Variants in DEPDC4 observed in about 807,000 individuals in gnomAD.
The protein encoded by DEPDC4 is DEP domain-containing protein 4.
Under a neutral mutation model 52.0 loss-of-function variants are expected in DEPDC4, and 52 were observed. The ratio of observed to expected loss-of-function variants is 1.00; its 90% CI spans 0.80 to 1.26. The LOEUF (loss-of-function observed/expected upper bound fraction) is 1.26. DEPDC4 is among the 50% of genes most tolerant of loss of function. The pLI is 0.00. For missense variants in DEPDC4, 530 were observed against 546.9 expected (o/e 0.97, Z 0.31); for synonymous variants, 201 against 196.8 (o/e 1.02, Z -0.18).
At chr12:100,249,469 C>A (rs947717843) in intron 7 of DEPDC4, among the ~76,000 whole-genome samples, 1 of 152,114 alleles carries the variant, frequency 6.6e-6, no homozygotes, top group East Asian at 1.9e-4. Flanking sequence ...GGCAACACAG[C>A]GAGATCCCAT....
upstream of DEPDC4, among the ~76,000 whole-genome samples, chr12:100,270,742 T>G (rs557694186): frequency 6.2e-4 from 94 of 152,108 alleles, no homozygotes; most frequent in African/African-American, 2.0e-3. Flanking sequence ...CCCAAAGTGC[T>G]AGGATTACAG....
intron 9 of DEPDC4, among the ~76,000 whole-genome samples, chr12:100,232,234 A>T (rs977365971): frequency 5.9e-5 from 9 of 151,656 alleles, no homozygotes; most frequent in Non-Finnish European, 1.3e-4. Flanking sequence ...TCTACTAAAA[A>T]ACAATGCAAA....
At chr12:100,252,839 TAAAAGGTCATC>T (rs199780558) in intron 5 of DEPDC4, among the ~76,000 whole-genome samples, 9,589 of 152,338 alleles carry the variant, frequency 0.063, 327 homozygotes, top group Middle Eastern at 0.14. Flanking sequence ...TTCATTTTGC[TAAAAGGTCATC>T]AAATTAATAA....
chr12:100,248,212 G>A (rs2096193788), intron 8 of DEPDC4, among the ~76,000 whole-genome samples: 1 of 151,848 alleles, frequency 6.6e-6, no homozygotes, highest in Non-Finnish European at 1.5e-5. Flanking sequence ...CCTATTAATA[G>A]CATAAATATT....
Position 100,262,344 on chromosome 12 carries a change from A to C in DEPDC4, c.620T>G (p.Leu207Arg). The C allele has an allele frequency of 6.2e-7, 1 of 1,613,514 alleles. No individual in the cohort carries two copies. The highest frequency in any genetic ancestry group is 8.5e-7 in the Non-Finnish European group (1 of 1,179,728). The change falls in exon 3 of 10, where the codon CTT (leucine) becomes CGT (arginine). Residue 207 changes from leucine to arginine, a missense_variant. Coordinates refer to ENST00000550587, the MANE Select transcript of DEPDC4 (RefSeq NM_001364818.2). ...TGGATTCCCATTTATTGTATGAATA[A>C]GTTCCTCAATTCTTTCCTCACCAAT... ...QEIGEERIEE[L>R]IHTINGNPAL...
At position 100,251,564 on chromosome 12, in the gene DEPDC4, C is replaced by A. The variant is rs118006701; in HGVS notation, c.1374+612G>T. On this transcript the variant is annotated intron_variant, in intron 7 of 9. Transcript: ENST00000550587. Reference sequence around the variant, plus strand: ...CTGGGACCACAGGTGTGTGCCACCACCCCTGGCATTTTTTTTTTTTTGAGG... The same window carrying A: ...CTGGGACCACAGGTGTGTGCCACCAACCCTGGCATTTTTTTTTTTTTGAGG... Among the ~76,000 whole-genome samples the A allele has an allele frequency of 2.3e-3, 343 of 151,720 alleles. 6 individuals carry two copies. The East Asian group carries it at 0.04, about 18-fold the overall frequency.
intron 4 of DEPDC4, among the ~76,000 whole-genome samples, chr12:100,255,261 C>A (rs761305368): frequency 3.3e-4 from 50 of 152,334 alleles, no homozygotes; most frequent in Non-Finnish European, 6.2e-4. Flanking sequence ...CCTATACTAT[C>A]CCTGACTCAA....
chr12:100,239,601 C>G (rs148058649), downstream of DEPDC4, among the ~76,000 whole-genome samples: 6 of 151,904 alleles, frequency 3.9e-5, no homozygotes, highest in African/African-American at 1.5e-4. Flanking sequence ...CCCAGGCTGG[C>G]CTTGAACTCC....
chr12:100,245,743 G>C (rs2096182468), intron 8 of DEPDC4, among the ~76,000 whole-genome samples: 1 of 152,070 alleles, frequency 6.6e-6, no homozygotes, highest in South Asian at 2.1e-4. Context: ...CAGTCCTCCA[G>C]GTCAATCCAT....
At chr12:100,255,992 G>A (rs2096230861) in intron 4 of DEPDC4, 57 bp downstream of exon 4, 2 of 1,311,634 alleles carry the variant, frequency 1.5e-6, no homozygotes, top group Non-Finnish European at 2.1e-6. Flanking sequence ...AATACTAAGG[G>A]CAAATATGTG....
In DEPDC4 at chr12:100,240,962, G is replaced by A. The variant is rs1484456112; in HGVS notation, c.*930C>T. The stretch of plus-strand genomic sequence containing the variant: ...CAGCTACTCGGGAGGCTGAGGCAGG[G>A]AGAATTGCTTGAACCCAGGAGGCAG... On this transcript the variant is annotated 3_prime_UTR_variant, in exon 10 of 10. Coordinates refer to ENST00000550587, the MANE Select transcript of DEPDC4 (RefSeq NM_001364818.2). Among the ~76,000 whole-genome samples, 1 of 152,132 alleles carries A rather than the reference G, an allele frequency of 6.6e-6. No individual in the cohort carries two copies. Among genetic ancestry groups the A allele is most frequent in the African/African-American group, 2.4e-5 (1 of 41,432 alleles).
At chr12:100,242,820 A>G (rs760675801) in intron 8 of DEPDC4, among the ~76,000 whole-genome samples, 11 of 152,170 alleles carry the variant, frequency 7.2e-5, no homozygotes, top group Non-Finnish European at 1.6e-4. Flanking sequence ...TGCTTCATCA[A>G]TATGTGTCCT....
the DEPDC4 span, among the ~76,000 whole-genome samples, chr12:100,280,644 A>G: frequency 6.6e-6 from 1 of 152,218 alleles, no homozygotes. Context: ...TACAGGTTGA[A>G]TATCCCTAAT....
intron 7 of DEPDC4, among the ~76,000 whole-genome samples, chr12:100,251,531 C>T (rs1453270342): frequency 2.0e-5 from 3 of 151,904 alleles, no homozygotes; most frequent in African/African-American, 4.8e-5. Context: ...CCTCAGCCTC[C>T]CCAGTAGCTG....
chr12:100,261,303 T>C (rs541459546), intron 3 of DEPDC4, among the ~76,000 whole-genome samples: 1 of 152,264 alleles, frequency 6.6e-6, no homozygotes, highest in Admixed American at 6.5e-5. Flanking sequence ...ATCACAGTCC[T>C]CCAGTGTGCA....
chr12:100,239,380 A>ATT (rs896510850), downstream of DEPDC4, among the ~76,000 whole-genome samples: 1 of 142,276 alleles, frequency 7.0e-6, no homozygotes, highest in African/African-American at 2.6e-5. Context: ...CTGGCCAATA[A>ATT]TTTTTTTTTT....
the DEPDC4 span, among the ~76,000 whole-genome samples, chr12:100,275,050 T>G: frequency 6.6e-6 from 1 of 152,174 alleles, no homozygotes; most frequent in South Asian, 2.1e-4. Flanking sequence ...TCCATTTATT[T>G]AGGTTTTCTT....
At chr12:100,247,201 GTT>G (rs869121983) in intron 8 of DEPDC4, among the ~76,000 whole-genome samples, 5 of 71,698 alleles carry the variant, frequency 7.0e-5, no homozygotes, top group Middle Eastern at 0.015. Flanking sequence ...TCCCCTTAGT[GTT>G]TTTTTTTTTT....
At chr12:100,236,234 T>C (rs927925641), downstream of DEPDC4, among the ~76,000 whole-genome samples, 3 of 152,218 alleles carry the variant, frequency 2.0e-5, no homozygotes, top group African/African-American at 4.8e-5. Context: ...AATCAAATGA[T>C]AGTTCTACTT....
Sources: allele counts gnomAD v4.1 joint callset (sites outside exome capture counted in the v4.1 genomes callset), GRCh38; gene constraint gnomAD v4.1.1; transcripts MANE v1.5; gene names NCBI Gene and HGNC (gene_info 2026-07-23, HGNC 2026-07-21).